The following COL5A1 variants were observed in gnomAD, a reference collection of about 807,000 sequenced individuals.
COL5A1 encodes the protein collagen alpha-1(V) chain.
COL5A1 carries 16 observed loss-of-function variants against 263.7 expected under a neutral mutation model. The ratio of observed to expected loss-of-function variants is 0.06; its 90% CI spans 0.04 to 0.09. The LOEUF (loss-of-function observed/expected upper bound fraction) is 0.09, where lower values mean the gene tolerates loss of function less well. COL5A1 is among the 10% of genes least tolerant of loss of function. The pLI, the probability that COL5A1 is intolerant of heterozygous loss-of-function variation, is 1.00. For synonymous variants in COL5A1, 1,012 were observed against 1,004.5 expected, an observed-to-expected ratio of 1.01 and a Z score of -0.14; for missense variants, 2,036 against 2,540.5, an observed-to-expected ratio of 0.80 and a Z score of 4.27.
In COL5A1 at chr9:134,758,392, TG is replaced by T; in HGVS notation, c.1935+100del. The T allele has an allele frequency of 7.9e-7, 1 of 1,270,482 alleles. No individual in the cohort carries two copies. Among genetic ancestry groups the T allele is most frequent in the Non-Finnish European group, 1.1e-6 (1 of 874,944 alleles). The allele number at this position is 1,270,482 out of a possible 1,614,324, so 78.7% of individuals were successfully genotyped here. A position where few individuals can be genotyped will look rare whatever the true frequency, so the allele number is the denominator to read the frequency against. ...CTTCCAGGCAGCCTCAGATTTCCTGTGGGGTCAGGTCTCCGCCATTCCAACA... is the reference window on the plus strand; with the variant it reads ...CTTCCAGGCAGCCTCAGATTTCCTGTGGGTCAGGTCTCCGCCATTCCAACA... On this transcript the variant is annotated intron_variant, in intron 18 of 65. Coordinates refer to ENST00000371817, the MANE Select transcript of COL5A1 (RefSeq NM_000093.5). This position sits in a 1 kb window ranked among gnomAD's most constrained non-coding sequence, Gnocchi z 4.1.
At chr9:134,762,188 C>T (rs1035354288) in intron 19 of COL5A1, among the ~76,000 whole-genome samples, 2 of 152,182 alleles carry the variant, frequency 1.3e-5, no homozygotes, top group Non-Finnish European at 2.9e-5. Flanking sequence ...CTGACTGCAA[C>T]GTTTAGTTAC....
intron 26 of COL5A1, among the ~76,000 whole-genome samples, chr9:134,773,405 C>T (rs1327289978): frequency 2.0e-5 from 3 of 152,180 alleles, no homozygotes; most frequent in Non-Finnish European, 4.4e-5. Context: ...GTGGGAAGAG[C>T]CTCCAGACGG....
At chr9:134,815,195 G>A (rs562210374) in intron 50 of COL5A1, among the ~76,000 whole-genome samples, 4 of 152,360 alleles carry the variant, frequency 2.6e-5, no homozygotes, top group East Asian at 3.9e-4. Flanking sequence ...AGTTGCCCCC[G>A]CCCTTGGCCG....
At chr9:134,687,843 T>A (rs898239299) in intron 1 of COL5A1, among the ~76,000 whole-genome samples, 1 of 152,160 alleles carries the variant, frequency 6.6e-6, no homozygotes, top group African/African-American at 2.4e-5. Flanking sequence ...CGGGCCAGTG[T>A]GCGGTGGCCA....
At chr9:134,649,246 G>A (rs1588399239) in intron 1 of COL5A1, 4 of 321,008 alleles carry the variant, frequency 1.2e-5, no homozygotes, top group South Asian at 7.9e-5. Context: ...CAGATAGTCC[G>A]AGCCGTCACA....
At chr9:134,797,351 G>A in intron 36 of COL5A1, among the ~76,000 whole-genome samples, 1 of 152,174 alleles carries the variant, frequency 6.6e-6, no homozygotes, top group East Asian at 1.9e-4. Context: ...GGGGAGATGG[G>A]GTACCAGGCC....
At chr9:134,750,243 C>G (rs568960631) in intron 11 of COL5A1, among the ~76,000 whole-genome samples, 1 of 152,202 alleles carries the variant, frequency 6.6e-6, no homozygotes, top group Admixed American at 6.5e-5. Flanking sequence ...GGCTCCTTGT[C>G]TCTGCCTTGA....
At chr9:134,714,563 G>T (rs1422218449) in intron 4 of COL5A1, among the ~76,000 whole-genome samples, 2 of 18,778 alleles carry the variant, frequency 1.1e-4, no homozygotes, top group Non-Finnish European at 2.3e-4. Context: ...ATGTGGTGGT[G>T]ATAGTGATTT....
chr9:134,692,496 G>T (rs1008053386), intron 2 of COL5A1, among the ~76,000 whole-genome samples: 1 of 152,136 alleles, frequency 6.6e-6, no homozygotes, highest in Admixed American at 6.5e-5. Context: ...TTTAGAATTC[G>T]TGACCTAGAG....
intron 1 of COL5A1, among the ~76,000 whole-genome samples, chr9:134,673,235 G>A (rs879696551): frequency 5.9e-5 from 9 of 152,254 alleles, no homozygotes; most frequent in East Asian, 5.8e-4. Context: ...GAAGAACATC[G>A]GAGGGCTTAT....
Position 134,842,498 on chromosome 9 carries a change from C to T in COL5A1, c.*195C>T. ...GAACAGAGGGAAGGAGCCGCGCCCCCACCTGGAGCTGAATCACATGACCTA... is the reference window on the plus strand; with the variant it reads ...GAACAGAGGGAAGGAGCCGCGCCCCTACCTGGAGCTGAATCACATGACCTA... On this transcript the variant is annotated 3_prime_UTR_variant, in exon 66 of 66. Coordinates refer to ENST00000371817, the MANE Select transcript of COL5A1 (RefSeq NM_000093.5). This position sits in a 1 kb window ranked among gnomAD's most constrained non-coding sequence, Gnocchi z 5.8. 3 of 669,480 alleles carry T rather than the reference C, an allele frequency of 4.5e-6. No individual in the cohort carries two copies. Among genetic ancestry groups the T allele is most frequent in the Admixed American group, 4.9e-5 (2 of 40,640 alleles). The allele number at this position is 669,480 out of a possible 1,614,324, so 41.5% of individuals were successfully genotyped here. A position where few individuals can be genotyped will look rare whatever the true frequency, so the allele number is the denominator to read the frequency against.
intron 11 of COL5A1, among the ~76,000 whole-genome samples, chr9:134,745,558 G>A (rs1298341411): frequency 1.3e-5 from 2 of 152,178 alleles, no homozygotes; most frequent in Non-Finnish European, 2.9e-5. Flanking sequence ...GTTGAGGGGT[G>A]CGGTCTGAGG....
Position 134,802,956 on chromosome 9 carries a change from A to G in COL5A1, c.3075A>G (p.Glu1025=). ...CTGGGCCCCCTGGACCCCCCGGTGA[A>G]CAGGGGCTTCCGGGCCTTGCTGGAA... The part of the protein sequence containing the change: ...GHPGPPGPPG[E]QGLPGLAGKE... The change falls in exon 39 of 66, where the codon GAA becomes GAG. Residue 1025 remains glutamate (E), a synonymous_variant. Transcript: ENST00000371817. The G allele has an allele frequency of 6.2e-7, 1 of 1,610,764 alleles. No individual in the cohort carries two copies. The highest frequency in any genetic ancestry group is 8.5e-7 in the Non-Finnish European group (1 of 1,179,002).
chr9:134,756,723 C>A, intron 16 of COL5A1, 42 bp from the exon 17 acceptor site: 1 of 1,605,060 alleles, frequency 6.2e-7, no homozygotes, highest in Non-Finnish European at 8.5e-7. Flanking sequence ...CTCAGTGAAC[C>A]GGGGCTCTTT....
intron 6 of COL5A1, 93 bp downstream of exon 6, chr9:134,728,900 G>A: frequency 1.3e-6 from 2 of 1,537,090 alleles, no homozygotes; most frequent in South Asian, 2.2e-5. Context: ...TCAGGGTAGA[G>A]GGTTGGGGGC....
chr9:134,758,382 A>T lies in COL5A1; in HGVS notation c.1935+86A>T. On this transcript the variant is annotated intron_variant, in intron 18 of 65. Coordinates refer to ENST00000371817, the MANE Select transcript of COL5A1 (RefSeq NM_000093.5). This position sits in a 1 kb window ranked among gnomAD's most constrained non-coding sequence, Gnocchi z 4.1. ...GGCCCTTCTCCTTCCAGGCAGCCTC[A>T]GATTTCCTGTGGGGTCAGGTCTCCG... 1 of 1,410,828 alleles carries T rather than the reference A, an allele frequency of 7.1e-7. No individual in the cohort carries two copies. The highest frequency in any genetic ancestry group is 1.2e-5 in the South Asian group (1 of 86,482). The allele number at this position is 1,410,828 out of a possible 1,614,324, so 87.4% of individuals were successfully genotyped here.
rs1830108575 is a variant in COL5A1, at chr9:134,841,761, G to A, written c.5371-396G>A. 6.6e-6 allele frequency among the ~76,000 whole-genome samples: 1 copy of A among 152,126 alleles called. No homozygotes were observed. Among genetic ancestry groups the A allele is most frequent in the Non-Finnish European group, 1.5e-5 (1 of 68,032 alleles). ...TTTTCCAGTGTGCCCTGCTTGTTCT[G>A]TAGCTGGCCCTGGGTCCTGGGGAGG... is the stretch of plus-strand genomic sequence containing the variant. On this transcript the variant is annotated intron_variant, in intron 65 of 65. Coordinates refer to ENST00000371817, the MANE Select transcript of COL5A1 (RefSeq NM_000093.5). This position sits in a 1 kb window ranked among gnomAD's most constrained non-coding sequence, Gnocchi z 4.8.
chr9:134,738,723 C>T, intron 10 of COL5A1, 23 bp from the exon 11 acceptor site: 1 of 1,606,608 alleles, frequency 6.2e-7, no homozygotes, highest in Non-Finnish European at 8.5e-7. Context: ...TTCTAACTGC[C>T]CCAACTTTAT....
intron 12 of COL5A1, 36 bp from the exon 13 acceptor site, chr9:134,750,754 A>G: frequency 6.2e-7 from 1 of 1,610,456 alleles, no homozygotes; most frequent in South Asian, 1.1e-5. Flanking sequence ...GTGCCACGTC[A>G]CTGCTCCCAG....
Sources: allele counts gnomAD v4.1 joint callset (sites outside exome capture counted in the v4.1 genomes callset), GRCh38; gene constraint gnomAD v4.1.1; non-coding constraint Gnocchi (gnomAD v3.1); transcripts MANE v1.5; gene names NCBI Gene and HGNC (gene_info 2026-07-23, HGNC 2026-07-21).